The following HELQ variants were observed in gnomAD, a reference collection of about 807,000 sequenced individuals.
The protein encoded by HELQ is helicase, POLQ like, also known as helicase POLQ-like.
In HELQ, 77 loss-of-function variants were observed where a neutral mutation model predicts 111.6. That is an observed-to-expected ratio of 0.69 (90% CI 0.57 to 0.83). HELQ has a LOEUF of 0.83. HELQ is among the 40% of genes least tolerant of loss of function. The probability of loss-of-function intolerance (pLI) is 0.00; values close to 1 mark genes in which losing one functional copy is unlikely to be tolerated. For missense variants in HELQ, 1,200 were observed against 1,288.5 expected (o/e 0.93, Z 1.05); for synonymous variants, 438 against 454.7 (o/e 0.96, Z 0.47).
At chr4:83,428,577 A>C (rs983641855) in intron 12 of HELQ, among the ~76,000 whole-genome samples, 28 of 152,064 alleles carry the variant, frequency 1.8e-4, no homozygotes, top group African/African-American at 4.6e-4. Context: ...GCAAACAAAC[A>C]AACCAACCAA....
intron 11 of HELQ, 81 bp from the exon 12 acceptor site, chr4:83,429,827 A>C: frequency 1.3e-6 from 1 of 778,266 alleles, no homozygotes; most frequent in South Asian, 1.7e-5. Flanking sequence ...AAGATAACTC[A>C]TTTCCATACC....
At chr4:83,434,241 G>C (rs1354584051) in intron 9 of HELQ, among the ~76,000 whole-genome samples, 1 of 140,340 alleles carries the variant, frequency 7.1e-6, no homozygotes, top group African/African-American at 2.6e-5. Flanking sequence ...TGTGGTGGTG[G>C]GCGCCTGTAA....
At chr4:83,416,641 A>G in intron 17 of HELQ, 90 bp downstream of exon 17, 1 of 1,221,654 alleles carries the variant, frequency 8.2e-7, no homozygotes, top group Non-Finnish European at 1.2e-6. Context: ...ACAGTTATGC[A>G]ATGTGAAATG....
chr4:83,452,358 TC>T (rs1721432853), intron 2 of HELQ, among the ~76,000 whole-genome samples: 1 of 152,234 alleles, frequency 6.6e-6, no homozygotes, highest in East Asian at 1.9e-4. Context: ...AGATTGGACA[TC>T]CCTGACTTAA....
At chr4:83,455,859 C>T, upstream of HELQ, 1 of 787,180 alleles carries the variant, frequency 1.3e-6, no homozygotes, top group Non-Finnish European at 2.1e-6. Flanking sequence ...TAAACTTCTA[C>T]CCTGTCCAAT....
At chr4:83,452,100 A>G (rs1021915093) in intron 2 of HELQ, among the ~76,000 whole-genome samples, 10 of 152,232 alleles carry the variant, frequency 6.6e-5, no homozygotes, top group African/African-American at 2.4e-4. Context: ...GGATTTTTGA[A>G]AAACATTACA....
intron 10 of HELQ, 45 bp from the exon 11 acceptor site, chr4:83,431,813 A>ACCATTTATTTT: frequency 1.3e-6 from 1 of 772,692 alleles, no homozygotes; most frequent in Non-Finnish European, 1.9e-6. Context: ...ATTATTAAAA[A>ACCATTTATTTT]TAAATGGTAT....
intron 17 of HELQ, among the ~76,000 whole-genome samples, chr4:83,408,073 T>G (rs1316425980): frequency 1.3e-5 from 2 of 152,148 alleles, no homozygotes; most frequent in Non-Finnish European, 2.9e-5. Flanking sequence ...ACATGGCATA[T>G]GAAAGATGTC....
At chr4:83,431,994 T>C in intron 10 of HELQ, 132 bp downstream of exon 10, 1 of 550,286 alleles carries the variant, frequency 1.8e-6, no homozygotes, top group Non-Finnish European at 3.0e-6. Context: ...ACTCTAATTC[T>C]TAATCATATA....
chr4:83,419,207 T>C (rs1266340501), intron 15 of HELQ, among the ~76,000 whole-genome samples: 2 of 150,860 alleles, frequency 1.3e-5, no homozygotes, highest in Admixed American at 6.6e-5. Context: ...TGTTAGTGTA[T>C]TTTATGTGTG....
At chr4:83,433,057 C>T (rs1720241144) in intron 9 of HELQ, among the ~76,000 whole-genome samples, 1 of 147,234 alleles carries the variant, frequency 6.8e-6, no homozygotes, top group Non-Finnish European at 1.5e-5. Flanking sequence ...GAAACCCCAT[C>T]TCTTAAAAAA....
At chr4:83,414,371 G>T (rs1211144631) in intron 17 of HELQ, among the ~76,000 whole-genome samples, 1 of 152,178 alleles carries the variant, frequency 6.6e-6, no homozygotes, top group Non-Finnish European at 1.5e-5. Flanking sequence ...GGGGTGCTGT[G>T]GGGTGGGGGT....
chr4:83,420,968 G>T (rs1474174759), intron 15 of HELQ, among the ~76,000 whole-genome samples: 1 of 151,902 alleles, frequency 6.6e-6, no homozygotes, highest in Admixed American at 6.6e-5. Context: ...CACCACGCCT[G>T]GCTAATTTTT....
At position 83,439,845 on chromosome 4, in the gene HELQ, TAA is replaced by T; in HGVS notation, c.1808+16_1808+17del. 2 of 1,473,456 alleles carry T rather than the reference TAA, an allele frequency of 1.4e-6. No individual in the cohort carries two copies. The highest frequency in any genetic ancestry group is 1.9e-6 in the Non-Finnish European group (2 of 1,062,088). 91.3% of individuals were successfully genotyped at this position (1,473,456 alleles called of 1,614,324 possible). On this transcript the variant is annotated intron_variant, in intron 8 of 17. Coordinates refer to ENST00000295488, the MANE Select transcript of HELQ (RefSeq NM_133636.5). ...CCTAATAAAAATAAAACAGGCTATT[TAA>T]AAAATATTAACATACTTGCTTAAAA...
chr4:83,453,103 G>C (rs374314264), intron 2 of HELQ, 128 bp downstream of exon 2: 13 of 624,720 alleles, frequency 2.1e-5, no homozygotes, highest in East Asian at 8.3e-5. Flanking sequence ...GGGGCTGAGA[G>C]ATCACTGATC....
At chr4:83,418,922 A>G (rs942237948) in intron 15 of HELQ, among the ~76,000 whole-genome samples, 1 of 152,206 alleles carries the variant, frequency 6.6e-6, no homozygotes, top group African/African-American at 2.4e-5. Context: ...CATGCCTGTT[A>G]TATAAAATAA....
chr4:83,455,239 T>G, intron 1 of HELQ, 158 bp downstream of exon 1: 1 of 1,409,918 alleles, frequency 7.1e-7, no homozygotes. Context: ...CATATTTATA[T>G]AGAAATGTAA....
Position 83,439,420 on chromosome 4 carries a change from T to G in HELQ, c.1808+443A>C, listed in dbSNP as rs371162699. Among the ~76,000 whole-genome samples, 589 of 150,940 alleles carry G rather than the reference T, an allele frequency of 3.9e-3. 11 individuals carry two copies. The highest frequency in any genetic ancestry group is 0.014 in the African/African-American group (561 of 41,048). ...TGTCACGCAGGCTGGAGTGCAGTAGTGCGATCTCAGCTAACTGCAACCTCC... is the reference window on the plus strand; with the variant it reads ...TGTCACGCAGGCTGGAGTGCAGTAGGGCGATCTCAGCTAACTGCAACCTCC... On this transcript the variant is annotated intron_variant, in intron 8 of 17. Transcript: ENST00000295488.
chr4:83,454,579 A>T (rs1321399145), intron 1 of HELQ, among the ~76,000 whole-genome samples: 2 of 150,914 alleles, frequency 1.3e-5, no homozygotes, highest in South Asian at 2.1e-4. Context: ...CCGGCTAATT[A>T]AGAAAAAAAA....
Sources: gnomAD v4.1 joint callset for allele counts (sites outside exome capture counted in the v4.1 genomes callset) on GRCh38, gnomAD v4.1.1 for gene constraint, MANE v1.5 for transcripts, NCBI Gene and HGNC (gene_info 2026-07-23, HGNC 2026-07-21) for gene names.